The following ASCC3 variants were observed in gnomAD, a reference collection of about 807,000 sequenced individuals.
The protein encoded by ASCC3 is ASC-1 complex subunit P200.
Under a neutral mutation model 256.3 loss-of-function variants are expected in ASCC3, and 158 were observed. The ratio of observed to expected loss-of-function variants is 0.62; its 90% CI spans 0.54 to 0.70. The LOEUF (loss-of-function observed/expected upper bound fraction) is 0.70, where lower values mean the gene tolerates loss of function less well. Ranked by LOEUF, ASCC3 falls within the 30% of genes least tolerant of loss-of-function variation. The pLI, the probability that ASCC3 is intolerant of heterozygous loss-of-function variation, is 0.00. For synonymous variants in ASCC3, 948 were observed against 883.4 expected, an observed-to-expected ratio of 1.07 and a Z score of -1.30; for missense variants, 2,259 against 2,626.0, an observed-to-expected ratio of 0.86 and a Z score of 3.05.
At chr6:100,579,842 G>A (rs1424854060) in intron 36 of ASCC3, among the ~76,000 whole-genome samples, 1 of 152,046 alleles carries the variant, frequency 6.6e-6, no homozygotes, top group Non-Finnish European at 1.5e-5. Flanking sequence ...AGTTTGAATA[G>A]TCTTTCCTAA....
chr6:100,848,138 T>A lies in ASCC3; in HGVS notation c.801+10A>T. On this transcript the variant is annotated intron_variant, in intron 4 of 41. Coordinates refer to ENST00000369162, the MANE Select transcript of ASCC3 (RefSeq NM_006828.4). ...CATTAATATAAAAAAATAAATCATT[T>A]CAACTATACCTCATCCTGAAGTTCA... 6.4e-7 allele frequency: 1 copy of A among 1,564,192 alleles called. No individual in the cohort carries two copies. Among genetic ancestry groups the A allele is most frequent in the Non-Finnish European group, 8.6e-7 (1 of 1,161,840 alleles).
intron 8 of ASCC3, among the ~76,000 whole-genome samples, chr6:100,789,236 G>A (rs1174329503): frequency 6.6e-6 from 1 of 151,842 alleles, no homozygotes; most frequent in Non-Finnish European, 1.5e-5. Flanking sequence ...TGACTTTTAT[G>A]CTTCTCTACA....
chr6:100,707,477 T>A (rs1017119415), intron 13 of ASCC3, among the ~76,000 whole-genome samples: 4 of 152,096 alleles, frequency 2.6e-5, no homozygotes, highest in Admixed American at 6.6e-5. Context: ...TACCAGTGAT[T>A]ATTTTTTCCC....
At chr6:100,721,798 G>T (rs200473494) in intron 11 of ASCC3, among the ~76,000 whole-genome samples, 742 of 46,962 alleles carry the variant, frequency 0.016, 4 homozygotes, top group African/African-American at 0.035. Flanking sequence ...ATTTTTTGTT[G>T]TTGTTGTTGC....
At chr6:100,600,857 A>C (rs540708948) in intron 34 of ASCC3, among the ~76,000 whole-genome samples, 2 of 152,154 alleles carry the variant, frequency 1.3e-5, no homozygotes, top group Admixed American at 6.6e-5. Flanking sequence ...AACAAAACAT[A>C]ACGTAATTTG....
At chr6:100,560,781 A>G (rs544102157) in intron 36 of ASCC3, among the ~76,000 whole-genome samples, 5 of 151,218 alleles carry the variant, frequency 3.3e-5, no homozygotes, top group Admixed American at 1.3e-4. Context: ...ACACACACAC[A>G]CACACACACA....
At chr6:100,532,418 T>A (rs1264989441) in intron 37 of ASCC3, among the ~76,000 whole-genome samples, 70 of 143,760 alleles carry the variant, frequency 4.9e-4, no homozygotes, top group South Asian at 3.2e-3. Flanking sequence ...TTTTTTTTTT[T>A]TTTTTTTTTA....
chr6:100,736,635 C>T (rs1261300195), intron 10 of ASCC3, among the ~76,000 whole-genome samples: 1 of 152,152 alleles, frequency 6.6e-6, no homozygotes, highest in Non-Finnish European at 1.5e-5. Context: ...AGCAAAGAAG[C>T]ACATTTACTA....
intron 4 of ASCC3, among the ~76,000 whole-genome samples, chr6:100,822,766 T>G (rs566168322): frequency 5.3e-5 from 8 of 152,136 alleles, no homozygotes; most frequent in Non-Finnish European, 1.2e-4. Context: ...AACTGTCCTT[T>G]AAATCCTATC....
chr6:100,867,818 C>A (rs1773550469), intron 2 of ASCC3, 90 bp downstream of exon 2: 2 of 1,124,900 alleles, frequency 1.8e-6, no homozygotes, highest in Non-Finnish European at 2.6e-6. Flanking sequence ...TCCATGTTAA[C>A]CACATAGAAT....
At chr6:100,872,962 A>ACC (rs1773820207) in intron 1 of ASCC3, among the ~76,000 whole-genome samples, 3 of 152,136 alleles carry the variant, frequency 2.0e-5, no homozygotes, top group Non-Finnish European at 2.9e-5. Flanking sequence ...CACTGGTAAT[A>ACC]TGACAAAACA....
intron 4 of ASCC3, among the ~76,000 whole-genome samples, chr6:100,830,688 A>G (rs1257622148): frequency 6.6e-6 from 1 of 152,218 alleles, no homozygotes; most frequent in Non-Finnish European, 1.5e-5. Flanking sequence ...CAAGGAATCA[A>G]TCTTTCTACT....
rs570533374 is a variant in ASCC3 at position 100,598,558 on chromosome 6, C to T, written c.5303+3252G>A. On this transcript the variant is annotated intron_variant, in intron 34 of 41. Coordinates refer to ENST00000369162, the MANE Select transcript of ASCC3 (RefSeq NM_006828.4). ...GTTCTTTCATTACTACTGTTTATTACAGTTTCATGTGGATTTTCTCACCAT... is the reference window on the plus strand; with the variant it reads ...GTTCTTTCATTACTACTGTTTATTATAGTTTCATGTGGATTTTCTCACCAT... Among the ~76,000 whole-genome samples, 9 of 152,176 alleles carry T rather than the reference C, an allele frequency of 5.9e-5. No homozygotes were observed. The South Asian group carries it at 1.5e-3, about 25-fold the overall frequency.
chr6:100,745,839 C>T (rs1275050426), intron 10 of ASCC3, among the ~76,000 whole-genome samples: 2 of 152,048 alleles, frequency 1.3e-5, no homozygotes, highest in Non-Finnish European at 2.9e-5. Context: ...GGATACGTGG[C>T]AGGTTTGTGT....
intron 13 of ASCC3, among the ~76,000 whole-genome samples, chr6:100,709,181 A>C (rs1319449307): frequency 6.6e-6 from 1 of 152,218 alleles, no homozygotes; most frequent in Admixed American, 6.5e-5. Context: ...TCATACGGCA[A>C]GACCACACAA....
chr6:100,874,834 T>C (rs1773920472), intron 1 of ASCC3, among the ~76,000 whole-genome samples: 1 of 151,884 alleles, frequency 6.6e-6, no homozygotes, highest in Non-Finnish European at 1.5e-5. Flanking sequence ...GAGCTTGAGC[T>C]GAGACTTAAA....
At chr6:100,770,944 T>C (rs1489311530) in intron 8 of ASCC3, among the ~76,000 whole-genome samples, 4 of 151,856 alleles carry the variant, frequency 2.6e-5, no homozygotes, top group Admixed American at 6.6e-5. Flanking sequence ...ACTTTGAAAT[T>C]CATATGGAAA....
chr6:100,757,305 C>A (rs1781224880), intron 10 of ASCC3, among the ~76,000 whole-genome samples: 1 of 151,666 alleles, frequency 6.6e-6, no homozygotes, highest in African/African-American at 2.4e-5. Flanking sequence ...TCAGTAATAG[C>A]CACAAGACAA....
intron 10 of ASCC3, among the ~76,000 whole-genome samples, chr6:100,751,548 AT>A (rs1780939391): frequency 6.6e-6 from 1 of 151,978 alleles, no homozygotes; most frequent in Non-Finnish European, 1.5e-5. Flanking sequence ...CAGGTCCATA[AT>A]TGTACATCCA....
Sources: allele counts gnomAD v4.1 joint callset (sites outside exome capture counted in the v4.1 genomes callset), GRCh38; gene constraint gnomAD v4.1.1; transcripts MANE v1.5; gene names NCBI Gene and HGNC (gene_info 2026-07-23, HGNC 2026-07-21).